The following FOXI2 variants were observed in gnomAD, a reference collection of about 807,000 sequenced individuals.
FOXI2 encodes forkhead box protein I2.
In FOXI2, 17 loss-of-function variants were observed where a neutral mutation model predicts 14.3. The ratio of observed to expected loss-of-function variants is 1.19; its 90% CI spans 0.81 to 1.78. The LOEUF is 1.78. FOXI2 is among the 40% of genes most tolerant of loss of function. The pLI, the probability that FOXI2 is intolerant of heterozygous loss-of-function variation, is 0.00. For missense variants in FOXI2, 541 were observed against 460.0 expected (o/e 1.18, Z -1.61); for synonymous variants, 240 against 218.8 (o/e 1.10, Z -0.85).
At chr10:127,738,454 C>A in intron 1 of FOXI2, 66 bp from the exon 2 acceptor site, 1 of 1,306,630 alleles carries the variant, frequency 7.7e-7, no homozygotes. Flanking sequence ...CTGACCTCCT[C>A]GCTGGCTCAC....
chr10:127,737,312 C>A lies in FOXI2; in HGVS notation c.39C>A (p.Ala13=). The stretch of plus-strand genomic sequence containing the variant: ...GCGACGACCTGGGCCCCTCCTCGGC[C>A]CCGCCCGGCCAGGCCCAGGCCACCG... ...TYCDDLGPSS[A]PPGQAQATAH... is the part of the protein sequence containing the mutation. The change falls in exon 1 of 2, where the codon GCC becomes GCA. Residue 13 remains alanine, a synonymous_variant. Transcript: ENST00000388920. The A allele has an allele frequency of 6.9e-7, 1 of 1,459,686 alleles. No individual in the cohort carries two copies. Among genetic ancestry groups the A allele is most frequent in the Non-Finnish European group, 8.9e-7 (1 of 1,118,062 alleles). 90.4% of individuals were successfully genotyped at this position (1,459,686 alleles called of 1,614,324 possible).
chr10:127,739,819 A>C lies in FOXI2; in HGVS notation c.*854A>C, dbSNP rs1455245580. The C allele has an allele frequency of 3.0e-5, 3 of 99,760 alleles. No individual in the cohort carries two copies. The highest frequency in any genetic ancestry group is 6.2e-5 in the Non-Finnish European group (3 of 48,412). The allele number at this position is 99,760 out of a possible 1,614,324, so 6.2% of individuals were successfully genotyped here. On this transcript the variant is annotated 3_prime_UTR_variant, in exon 2 of 2. Coordinates refer to ENST00000388920, the MANE Select transcript of FOXI2 (RefSeq NM_207426.3). ...CACTCACACCCACACTCACACCCACACCCACACCCACACCCACACTCACAC... is the reference window on the plus strand; with the variant it reads ...CACTCACACCCACACTCACACCCACCCCCACACCCACACCCACACTCACAC...
rs1293527825 is a variant in FOXI2, at chr10:127,737,640, C to A, written c.367C>A (p.Leu123Met). The change falls in exon 1 of 2, where the codon CTG (leucine) becomes ATG (methionine). Residue 123 changes from leucine (L) to methionine (M), a missense_variant. Leu to Met is a conservative substitution (Grantham distance 15). Transcript: ENST00000388920. Reference sequence around the variant, plus strand: ...CATCCAGAGCGCGCCGCTGCGGAAGCTGACGCTCAGCCAGATCTACCAGTA... The same window carrying A: ...CATCCAGAGCGCGCCGCTGCGGAAGATGACGCTCAGCCAGATCTACCAGTA... The part of the protein sequence containing the change: ...MAIQSAPLRK[L>M]TLSQIYQYVA... 1.3e-6 allele frequency: 2 copies of A among 1,575,902 alleles called. 1 individual carries two copies. Among genetic ancestry groups the A allele is most frequent in the East Asian group, 4.7e-5 (2 of 42,362 alleles).
At position 127,740,312 on chromosome 10, in the gene FOXI2, C is replaced by G. The variant is rs1375165610; in HGVS notation, c.*1347C>G. The G allele has an allele frequency of 1.3e-5, 2 of 152,210 alleles. No homozygotes were observed. The highest frequency in any genetic ancestry group is 2.9e-5 in the Non-Finnish European group (2 of 68,050). The allele number at this position is 152,210 out of a possible 1,614,324, so 9.4% of individuals were successfully genotyped here. ...CAAAGCTGTGCGTGTGTTCAGAGCT[C>G]CTGAACAGCAGCCTCCTGTGTAAAT... On this transcript the variant is annotated 3_prime_UTR_variant, in exon 2 of 2. Transcript: ENST00000388920.
rs1308377057 is a variant in FOXI2 at position 127,740,325 on chromosome 10, C to T, written c.*1360C>T. The T allele has an allele frequency of 6.6e-6, 1 of 152,196 alleles. No homozygotes were observed. The highest frequency in any genetic ancestry group is 1.9e-4 in the East Asian group (1 of 5,176). The allele number at this position is 152,196 out of a possible 1,614,324, so 9.4% of individuals were successfully genotyped here. A position where few individuals can be genotyped will look rare whatever the true frequency, so the allele number is the denominator to read the frequency against. On this transcript the variant is annotated 3_prime_UTR_variant, in exon 2 of 2. Coordinates refer to ENST00000388920, the MANE Select transcript of FOXI2 (RefSeq NM_207426.3). ...GTGTTCAGAGCTCCTGAACAGCAGC[C>T]TCCTGTGTAAATTGAACCCTGCCCC... is the stretch of plus-strand genomic sequence containing the variant.
Position 127,737,235 on chromosome 10 carries a change from G to A in FOXI2, c.-39G>A, listed in dbSNP as rs887894778. 2 of 1,465,188 alleles carry A rather than the reference G, an allele frequency of 1.4e-6. No homozygotes were observed. Among genetic ancestry groups the A allele is most frequent in the African/African-American group, 3.0e-5 (2 of 67,298 alleles). The allele number at this position is 1,465,188 out of a possible 1,614,324, so 90.8% of individuals were successfully genotyped here. A position where few individuals can be genotyped will look rare whatever the true frequency, so the allele number is the denominator to read the frequency against. On this transcript the variant is annotated 5_prime_UTR_variant, in exon 1 of 2. Transcript: ENST00000388920. ...GCTGGATGGGTCGCCAGTGAGTTTC[G>A]GTGCGGCACCGCTGGCCCAGGCCCG...
rs1846500092 is a variant in FOXI2, at chr10:127,740,084, C to CCACCCT, written c.*1122_*1123insCCTCAC. 9.4e-6 allele frequency: 1 copy of CCACCCT among 106,198 alleles called. No individual in the cohort carries two copies. Among genetic ancestry groups the CCACCCT allele is most frequent in the African/African-American group, 4.0e-5 (1 of 24,756 alleles). 6.6% of individuals were successfully genotyped at this position (106,198 alleles called of 1,614,324 possible). ...CCCACACTCATACTCACACTCACACCCACACTCACACTCACACCCACACTC... is the reference window on the plus strand; with the variant it reads ...CCCACACTCATACTCACACTCACACCCACCCTCACACTCACACTCACACCCACACTC... On this transcript the variant is annotated 3_prime_UTR_variant, in exon 2 of 2. Transcript: ENST00000388920.
chr10:127,737,430 T>C lies in FOXI2; in HGVS notation c.157T>C (p.Tyr53His), dbSNP rs1440861855. 3.7e-6 allele frequency: 5 copies of C among 1,367,704 alleles called. No individual in the cohort carries two copies. The highest frequency in any genetic ancestry group is 4.7e-6 in the Non-Finnish European group (5 of 1,072,046). The allele number at this position is 1,367,704 out of a possible 1,614,324, so 84.7% of individuals were successfully genotyped here. The change falls in exon 1 of 2, where the codon TAC becomes CAC. Residue 53 changes from tyrosine (Y) to histidine (H), a missense_variant. By Grantham distance (83) the Tyr-to-His change is moderately conservative (BLOSUM62 2). Coordinates refer to ENST00000388920, the MANE Select transcript of FOXI2 (RefSeq NM_207426.3). ...VNAPALSPKS[Y>H]ASGPGPAPPY... Reference sequence around the variant, plus strand: ...CGCGCCAGCGCTCAGCCCCAAGTCCTACGCTTCGGGTCCCGGGCCTGCGCC... The same window carrying C: ...CGCGCCAGCGCTCAGCCCCAAGTCCCACGCTTCGGGTCCCGGGCCTGCGCC...
At position 127,739,996 on chromosome 10, in the gene FOXI2, A is replaced by G. The variant is rs1227653427; in HGVS notation, c.*1031A>G. On this transcript the variant is annotated 3_prime_UTR_variant, in exon 2 of 2. Transcript: ENST00000388920. ...TCACACTCACACCCACACTCACACC[A>G]CACCCACACTCACACTGACACCCAC... The G allele has an allele frequency of 2.7e-5, 3 of 109,866 alleles. No homozygotes were observed. Among genetic ancestry groups the G allele is most frequent in the Non-Finnish European group, 5.4e-5 (3 of 55,226 alleles). 6.8% of individuals were successfully genotyped at this position (109,866 alleles called of 1,614,324 possible). A position where few individuals can be genotyped will look rare whatever the true frequency, so the allele number is the denominator to read the frequency against.
In FOXI2 at chr10:127,739,082, C is replaced by A; in HGVS notation, c.*117C>A. 1 of 946,590 alleles carries A rather than the reference C, an allele frequency of 1.1e-6. No individual in the cohort carries two copies. Among genetic ancestry groups the A allele is most frequent in the Non-Finnish European group, 1.5e-6 (1 of 651,140 alleles). 58.6% of individuals were successfully genotyped at this position (946,590 alleles called of 1,614,324 possible). On this transcript the variant is annotated 3_prime_UTR_variant, in exon 2 of 2. Transcript: ENST00000388920. ...AAGGCCTTGGTGCCCTGGGAGGAAG[C>A]GCAGAGCCGGGGGCGGCTCGGCCAG...
At position 127,738,520 on chromosome 10, in the gene FOXI2, G is replaced by T. The variant is rs1183488949; in HGVS notation, c.512G>T (p.Gly171Val). 6.2e-7 allele frequency: 1 copy of T among 1,609,334 alleles called. No homozygotes were observed. The highest frequency in any genetic ancestry group is 8.5e-7 in the Non-Finnish European group (1 of 1,177,694). Residue 171 changes from glycine (G) to valine (V), a missense_variant and splice_region_variant, in exon 2 of 2, where the codon GGT becomes GTT. Coordinates refer to ENST00000388920, the MANE Select transcript of FOXI2 (RefSeq NM_207426.3). Reference sequence around the variant, plus strand: ...AACTGGGCTGTTTCTTCTTCTGCAGGTAAAGGCAATTACTGGACCCTGGAC... The same window carrying T: ...AACTGGGCTGTTTCTTCTTCTGCAGTTAAAGGCAATTACTGGACCCTGGAC... ...KKVPRDEDDPGKGNYWTLDPN... is the reference protein window; with the variant it reads ...KKVPRDEDDPVKGNYWTLDPN...
At chr10:127,738,255 T>C (rs1232634766) in intron 1 of FOXI2, among the ~76,000 whole-genome samples, 1 of 151,986 alleles carries the variant, frequency 6.6e-6, no homozygotes, top group Non-Finnish European at 1.5e-5. Flanking sequence ...ACCATTAGCA[T>C]CTCGCAGGCC....
In FOXI2 at chr10:127,738,957, G is replaced by A; in HGVS notation, c.949G>A (p.Glu317Lys). 6.3e-7 allele frequency: 1 copy of A among 1,599,604 alleles called. No individual in the cohort carries two copies. The change falls in exon 2 of 2, where the codon GAA becomes AAA. Residue 317 changes from glutamate (E) to lysine (K), a missense_variant. By Grantham distance (56) the Glu-to-Lys change is moderately conservative. Transcript: ENST00000388920. ...CCTCCTCTACAGCCGGGAAGGGACC[G>A]AAGTTTGAAGGGAGGCTGGAGGCTA... ...SHLLYSREGT[E>K]V
Position 127,739,195 on chromosome 10 carries a change from C to T in FOXI2, c.*230C>T. The stretch of plus-strand genomic sequence containing the variant: ...TCACCCAGGCGACCTTCGGAACCTC[C>T]CTGCTCTGCCTCTAAGTCCAGCCGC... On this transcript the variant is annotated 3_prime_UTR_variant, in exon 2 of 2. Coordinates refer to ENST00000388920, the MANE Select transcript of FOXI2 (RefSeq NM_207426.3). 1 of 519,682 alleles carries T rather than the reference C, an allele frequency of 1.9e-6. No homozygotes were observed. The highest frequency in any genetic ancestry group is 3.4e-6 in the Non-Finnish European group (1 of 298,046). The allele number at this position is 519,682 out of a possible 1,614,324, so 32.2% of individuals were successfully genotyped here.
chr10:127,737,315 G>C lies in FOXI2; in HGVS notation c.42G>C (p.Pro14=). 1 of 1,455,290 alleles carries C rather than the reference G, an allele frequency of 6.9e-7. No homozygotes were observed. The allele number at this position is 1,455,290 out of a possible 1,614,324, so 90.1% of individuals were successfully genotyped here. A position where few individuals can be genotyped will look rare whatever the true frequency, so the allele number is the denominator to read the frequency against. The change falls in exon 1 of 2, where the codon CCG becomes CCC. Residue 14 remains proline, a synonymous_variant. Coordinates refer to ENST00000388920, the MANE Select transcript of FOXI2 (RefSeq NM_207426.3). ...ACGACCTGGGCCCCTCCTCGGCCCC[G>C]CCCGGCCAGGCCCAGGCCACCGCGC... ...YCDDLGPSSA[P]PGQAQATAHP...
At position 127,740,748 on chromosome 10, in the gene FOXI2, G is replaced by C. The variant is rs973814604; in HGVS notation, c.*1783G>C. The stretch of plus-strand genomic sequence containing the variant: ...TGCTGGAAATGAGAGCAGGGCTCCT[G>C]ACTGTCCCTAGAGCTGACTCATCAT... On this transcript the variant is annotated 3_prime_UTR_variant, in exon 2 of 2. Transcript: ENST00000388920. 1 of 152,464 alleles carries C rather than the reference G, an allele frequency of 6.6e-6. No homozygotes were observed. Among genetic ancestry groups the C allele is most frequent in the Non-Finnish European group, 1.5e-5 (1 of 68,318 alleles). 9.4% of individuals were successfully genotyped at this position (152,464 alleles called of 1,614,324 possible).
Position 127,737,300 on chromosome 10 carries a change from C to A in FOXI2, c.27C>A (p.Gly9=), listed in dbSNP as rs774377800. 50 of 1,467,812 alleles carry A rather than the reference C, an allele frequency of 3.4e-5. 1 individual carries two copies. The South Asian group carries it at 6.1e-4, about 18-fold the overall frequency. 90.9% of individuals were successfully genotyped at this position (1,467,812 alleles called of 1,614,324 possible). A position where few individuals can be genotyped will look rare whatever the true frequency, so the allele number is the denominator to read the frequency against. The part of the protein sequence containing the change: MATYCDDL[G]PSSAPPGQAQ... The stretch of plus-strand genomic sequence containing the variant: ...TGGCCACCTACTGCGACGACCTGGG[C>A]CCCTCCTCGGCCCCGCCCGGCCAGG... Residue 9 remains glycine (G), a synonymous_variant, in exon 1 of 2, where the codon GGC becomes GGA. Transcript: ENST00000388920.
At position 127,737,546 on chromosome 10, in the gene FOXI2, C is replaced by T. The variant is rs1213037433; in HGVS notation, c.273C>T (p.Leu91=). ...LAGADLAWLS[L]SGQQELLRLV... ...GCGCCGACCTCGCCTGGCTGAGCCTCTCCGGCCAGCAGGAGCTGCTGAGGC... is the reference window on the plus strand; with the variant it reads ...GCGCCGACCTCGCCTGGCTGAGCCTTTCCGGCCAGCAGGAGCTGCTGAGGC... The change falls in exon 1 of 2, where the codon CTC becomes CTT. Residue 91 remains leucine, a synonymous_variant. Coordinates refer to ENST00000388920, the MANE Select transcript of FOXI2 (RefSeq NM_207426.3). 30 of 1,524,846 alleles carry T rather than the reference C, an allele frequency of 2.0e-5. No homozygotes were observed. The highest frequency in any genetic ancestry group is 2.6e-5 in the Non-Finnish European group (29 of 1,135,906). 94.5% of individuals were successfully genotyped at this position (1,524,846 alleles called of 1,614,324 possible). A position where few individuals can be genotyped will look rare whatever the true frequency, so the allele number is the denominator to read the frequency against.
chr10:127,737,694 C>A lies in FOXI2; in HGVS notation c.421C>A (p.Arg141Ser). The A allele has an allele frequency of 6.2e-7, 1 of 1,605,084 alleles. No individual in the cohort carries two copies. The highest frequency in any genetic ancestry group is 8.5e-7 in the Non-Finnish European group (1 of 1,175,802). ...YVAGNFPFYK[R>S]SKAGWQNSIR... Reference sequence around the variant, plus strand: ...GGCTGGTAACTTCCCTTTCTACAAGCGCAGCAAGGCGGGCTGGCAGAACTC... The same window carrying A: ...GGCTGGTAACTTCCCTTTCTACAAGAGCAGCAAGGCGGGCTGGCAGAACTC... Residue 141 changes from arginine (R) to serine (S), a missense_variant, in exon 1 of 2, where the codon CGC (arginine) becomes AGC (serine). Arg to Ser is a moderately radical substitution (Grantham distance 110, BLOSUM62 -1). Transcript: ENST00000388920.
Sources: allele counts gnomAD v4.1 joint callset (sites outside exome capture counted in the v4.1 genomes callset), GRCh38; gene constraint gnomAD v4.1.1; transcripts MANE v1.5; gene names NCBI Gene and HGNC (gene_info 2026-07-23, HGNC 2026-07-21).